GPBP1: variants seen among roughly 807,000 people sequenced by gnomAD.
The protein encoded by GPBP1 is vasculin.
GPBP1 carries 13 observed loss-of-function variants against 56.5 expected under a neutral mutation model. The ratio of observed to expected loss-of-function variants is 0.23; its 90% CI spans 0.15 to 0.37. The LOEUF is 0.37. GPBP1 is among the 10% of genes least tolerant of loss of function. The probability of loss-of-function intolerance (pLI) is 1.00; values close to 1 mark genes in which losing one functional copy is unlikely to be tolerated. For synonymous variants in GPBP1, 204 were observed against 188.9 expected (o/e 1.08, Z -0.66); for missense variants, 477 against 572.3 (o/e 0.83, Z 1.70).
chr5:57,186,937 A>G (rs1381421226), intron 2 of GPBP1, among the ~76,000 whole-genome samples: 1 of 150,984 alleles, frequency 6.6e-6, no homozygotes, highest in African/African-American at 2.4e-5. Flanking sequence ...ATTGTTTCCC[A>G]TTGAATCACC....
chr5:57,249,324 A>G (rs1016740370), intron 8 of GPBP1, 85 bp from the exon 9 acceptor site: 6 of 1,000,930 alleles, frequency 6.0e-6, no homozygotes, highest in Non-Finnish European at 4.4e-6. Flanking sequence ...TAAAGGTAAA[A>G]TAGGAAGCTG....
At chr5:57,238,389 T>TC (rs1740637118) in intron 6 of GPBP1, among the ~76,000 whole-genome samples, 1 of 152,000 alleles carries the variant, frequency 6.6e-6, no homozygotes, top group African/African-American at 2.4e-5. Flanking sequence ...AGAAACCCCA[T>TC]CTCTACTAAA....
intron 8 of GPBP1, among the ~76,000 whole-genome samples, chr5:57,248,193 A>C (rs1741182571): frequency 6.6e-6 from 1 of 152,262 alleles, no homozygotes; most frequent in African/African-American, 2.4e-5. Context: ...ATTACTATTA[A>C]CACTGATTGG....
intron 3 of GPBP1, among the ~76,000 whole-genome samples, chr5:57,222,712 T>G (rs1444438586): frequency 1.3e-5 from 2 of 152,230 alleles, no homozygotes; most frequent in African/African-American, 4.8e-5. Flanking sequence ...GGTAAATTTC[T>G]AGCAGTAGAA....
At chr5:57,184,380 T>A (rs989042068) in intron 2 of GPBP1, among the ~76,000 whole-genome samples, 2 of 152,130 alleles carry the variant, frequency 1.3e-5, no homozygotes, top group Non-Finnish European at 2.9e-5. Context: ...TGTGTAGGAA[T>A]CTTGGTAGTG....
chr5:57,247,052 AAT>A, intron 7 of GPBP1, 21 bp from the exon 8 acceptor site: 3 of 1,595,118 alleles, frequency 1.9e-6, no homozygotes, highest in East Asian at 4.5e-5. Context: ...GATAGCCATT[AAT>A]GTTTGTGTGT....
At chr5:57,251,466 T>G (rs1293621630) in intron 10 of GPBP1, among the ~76,000 whole-genome samples, 2 of 152,214 alleles carry the variant, frequency 1.3e-5, no homozygotes, top group African/African-American at 4.8e-5. Flanking sequence ...AAGTTTTATT[T>G]GCATTGTAAG....
At chr5:57,217,729 T>A (rs1010803722) in intron 3 of GPBP1, among the ~76,000 whole-genome samples, 1 of 150,684 alleles carries the variant, frequency 6.6e-6, no homozygotes, top group African/African-American at 2.4e-5. Context: ...GCATATTGAC[T>A]CTCTTGGGTC....
rs779103857 is a variant in GPBP1, at chr5:57,262,833, A to G, written c.*81A>G. 5 of 1,302,862 alleles carry G rather than the reference A, an allele frequency of 3.8e-6. No homozygotes were observed. The highest frequency in any genetic ancestry group is 5.4e-6 in the Non-Finnish European group (5 of 930,596). 80.7% of individuals were successfully genotyped at this position (1,302,862 alleles called of 1,614,324 possible). A position where few individuals can be genotyped will look rare whatever the true frequency, so the allele number is the denominator to read the frequency against. The stretch of plus-strand genomic sequence containing the variant: ...GGGTGAATTGTAAAAATGAAGAACT[A>G]TAATTTATGTAGTGAAATACCCCAT... On this transcript the variant is annotated 3_prime_UTR_variant, in exon 12 of 12. Coordinates refer to ENST00000506184, the MANE Select transcript of GPBP1 (RefSeq NM_022913.4).
intron 1 of GPBP1, among the ~76,000 whole-genome samples, chr5:57,174,856 T>C (rs1267866262): frequency 6.6e-6 from 1 of 152,170 alleles, no homozygotes; most frequent in Non-Finnish European, 1.5e-5. Flanking sequence ...ACCTACACCT[T>C]CTAGCCCTTT....
intron 3 of GPBP1, chr5:57,230,639 A>G (rs1391199103): frequency 7.1e-6 from 4 of 563,524 alleles, no homozygotes; most frequent in South Asian, 6.7e-5. Flanking sequence ...CTCTAAGCAC[A>G]TGTGCTTGTT....
chr5:57,188,158 C>T (rs1273746170), intron 2 of GPBP1, among the ~76,000 whole-genome samples: 2 of 151,318 alleles, frequency 1.3e-5, no homozygotes, highest in South Asian at 4.2e-4. Flanking sequence ...GCAAGAGAAT[C>T]GCTTGATCTC....
intron 2 of GPBP1, among the ~76,000 whole-genome samples, chr5:57,213,610 T>A (rs992817889): frequency 1.5e-4 from 23 of 152,310 alleles, no homozygotes; most frequent in Middle Eastern, 6.8e-3. Flanking sequence ...TAACTTGTTC[T>A]CCATCTTGAA....
intron 2 of GPBP1, among the ~76,000 whole-genome samples, chr5:57,201,969 G>T (rs562130588): frequency 3.9e-5 from 6 of 152,136 alleles, no homozygotes; most frequent in Non-Finnish European, 7.4e-5. Flanking sequence ...TCATAATTCT[G>T]CGTTTTTTAA....
chr5:57,256,495 G>GT (rs11448054), intron 10 of GPBP1, among the ~76,000 whole-genome samples: 9,835 of 151,638 alleles, frequency 0.065, 627 homozygotes, highest in Admixed American at 0.16. Context: ...TTTTAACCAA[G>GT]TTTTTTTCCC....
chr5:57,245,478 A>G (rs1480153378), intron 6 of GPBP1: 3 of 152,220 alleles, frequency 2.0e-5, no homozygotes, highest in African/African-American at 4.8e-5. Context: ...ACTAATTCAC[A>G]TGATCTTATT....
chr5:57,243,124 G>A (rs1375182184), intron 6 of GPBP1, among the ~76,000 whole-genome samples: 2 of 151,842 alleles, frequency 1.3e-5, no homozygotes, highest in Non-Finnish European at 2.9e-5. Context: ...CTGGAGTGCG[G>A]TGGTGTGATC....
chr5:57,214,290 A>G, intron 3 of GPBP1, 97 bp downstream of exon 3: 1 of 1,119,320 alleles, frequency 8.9e-7, no homozygotes, highest in Non-Finnish European at 1.4e-6. Flanking sequence ...ATCTTTGCAG[A>G]GAAGTACATT....
At chr5:57,256,322 A>G (rs1341613073) in intron 10 of GPBP1, among the ~76,000 whole-genome samples, 1 of 152,198 alleles carries the variant, frequency 6.6e-6, no homozygotes, top group Non-Finnish European at 1.5e-5. Flanking sequence ...GGGGGAAAAA[A>G]AAACACCCCA....
Sources: allele counts gnomAD v4.1 joint callset (sites outside exome capture counted in the v4.1 genomes callset), GRCh38; gene constraint gnomAD v4.1.1; transcripts MANE v1.5; gene names NCBI Gene and HGNC (gene_info 2026-07-23, HGNC 2026-07-21).